The following FBH1 variants were observed in gnomAD, a reference collection of about 807,000 sequenced individuals.
The protein encoded by FBH1 is F-box DNA helicase 1, also known as DNA 3'-5' helicase 1.
In FBH1, 43 loss-of-function variants were observed where a neutral mutation model predicts 115.5. That is an observed-to-expected ratio of 0.37 (90% CI 0.29 to 0.48). The LOEUF (loss-of-function observed/expected upper bound fraction) is 0.48. FBH1 is among the 20% of genes least tolerant of loss of function. The pLI is 0.99. For synonymous variants in FBH1, 524 were observed against 507.8 expected (o/e 1.03, Z -0.43); for missense variants, 1,001 against 1,337.3 (o/e 0.75, Z 3.92).
Position 5,921,415 on chromosome 10 carries a change from A to G in FBH1, c.2201-33A>G, listed in dbSNP as rs762516874. On this transcript the variant is annotated intron_variant, in intron 14 of 20. Coordinates refer to ENST00000362091, the MANE Select transcript of FBH1 (RefSeq NM_178150.3). The surrounding 1 kb of genome is among the most constrained non-coding windows in gnomAD (Gnocchi z 6.4). ...TACAAAAGTTTTCCTCTTTATTTCA[A>G]TTTGCCATAGAGTTTGTGCTCTCTC... is the stretch of plus-strand genomic sequence containing the variant. 5.6e-6 allele frequency: 9 copies of G among 1,610,242 alleles called. No individual in the cohort carries two copies. Among genetic ancestry groups the G allele is most frequent in the African/African-American group, 4.0e-5 (3 of 74,424 alleles).
At position 5,921,423 on chromosome 10, in the gene FBH1, T is replaced by C; in HGVS notation, c.2201-25T>C. ...TTTTCCTCTTTATTTCAATTTGCCA[T>C]AGAGTTTGTGCTCTCTCCCTAAAGG... On this transcript the variant is annotated intron_variant, in intron 14 of 20. Coordinates refer to ENST00000362091, the MANE Select transcript of FBH1 (RefSeq NM_178150.3). This position sits in a 1 kb window ranked among gnomAD's most constrained non-coding sequence, Gnocchi z 6.4. 1 of 1,610,296 alleles carries C rather than the reference T, an allele frequency of 6.2e-7. No individual in the cohort carries two copies. The highest frequency in any genetic ancestry group is 8.5e-7 in the Non-Finnish European group (1 of 1,178,794).
At chr10:5,919,662 T>C (rs894524467) in intron 13 of FBH1, among the ~76,000 whole-genome samples, 2 of 152,188 alleles carry the variant, frequency 1.3e-5, no homozygotes, top group Admixed American at 6.5e-5. Context: ...AAGAAACTTA[T>C]TTCTGATTAG....
chr10:5,918,475 G>A lies in FBH1; in HGVS notation c.2097G>A (p.Thr699=), dbSNP rs761722840. The change falls in exon 13 of 21, where the codon ACG becomes ACA. Residue 699 remains threonine (T), a synonymous_variant. Coordinates refer to ENST00000362091, the MANE Select transcript of FBH1 (RefSeq NM_178150.3). The surrounding 1 kb of genome is among the most constrained non-coding windows in gnomAD (Gnocchi z 4.0). The part of the protein sequence containing the change: ...TVPHTHVFYL[T]QSFRFGVEIA... Reference sequence around the variant, plus strand: ...CCCACACCCACGTCTTCTATCTCACGCAGGTAAGTGCGCACTCTGCATGGG... The same window carrying A: ...CCCACACCCACGTCTTCTATCTCACACAGGTAAGTGCGCACTCTGCATGGG... 47 of 1,597,010 alleles carry A rather than the reference G, an allele frequency of 2.9e-5. No homozygotes were observed. In the East Asian group the frequency reaches 7.9e-4, roughly 27 times the overall value.
At position 5,910,889 on chromosome 10, in the gene FBH1, A is replaced by T. The variant is rs1280265091; in HGVS notation, c.1021-49A>T. On this transcript the variant is annotated intron_variant, in intron 5 of 20. Transcript: ENST00000362091. The surrounding 1 kb of genome is among the most constrained non-coding windows in gnomAD (Gnocchi z 4.8). ...ACTCCTTCCTGCTGTGATTCGTATT[A>T]ACCATGGCCTGTGGGCTGTCCCTCC... is the stretch of plus-strand genomic sequence containing the variant. The T allele has an allele frequency of 3.9e-6, 6 of 1,528,024 alleles. No homozygotes were observed. The Admixed American group carries it at 7.2e-5, about 18-fold the overall frequency. The allele number at this position is 1,528,024 out of a possible 1,614,324, so 94.7% of individuals were successfully genotyped here.
intron 19 of FBH1, chr10:5,934,364 GT>G (rs60109796): frequency 0.75 from 106,453 of 141,242 alleles, 40,280 homozygotes; most frequent in East Asian, 0.84. Context: ...TCAAAGACAG[GT>G]TTTTTTTTTT....
In FBH1 at chr10:5,903,066, T is replaced by G; in HGVS notation, c.48T>G (p.His16Gln). Reference protein sequence around the residue: ...RKHLTAIDCQHLARSHLAVTQ... With the variant: ...RKHLTAIDCQQLARSHLAVTQ... ...ATCTTACTGCCATTGACTGCCAGCATTTGGCTCGGAGTCACTTGGCTGTGA... is the reference window on the plus strand; with the variant it reads ...ATCTTACTGCCATTGACTGCCAGCAGTTGGCTCGGAGTCACTTGGCTGTGA... The change falls in exon 2 of 21, where the codon CAT (histidine) becomes CAG (glutamine). Residue 16 changes from histidine (H) to glutamine (Q), a missense_variant. His to Gln is a conservative substitution (Grantham distance 24, BLOSUM62 0). Around this residue, in one of 4 missense-constraint regions of FBH1, gnomAD observed 420 missense variants for 430.4 expected, o/e 0.98. Transcript: ENST00000362091. The G allele has an allele frequency of 6.2e-7, 1 of 1,613,652 alleles. No homozygotes were observed. Among genetic ancestry groups the G allele is most frequent in the Non-Finnish European group, 8.5e-7 (1 of 1,179,806 alleles).
Position 5,911,323 on chromosome 10 carries a change from T to C in FBH1, c.1211+195T>C, listed in dbSNP as rs1831576733. Among the ~76,000 whole-genome samples, 1 of 152,238 alleles carries C rather than the reference T, an allele frequency of 6.6e-6. No individual in the cohort carries two copies. Among genetic ancestry groups the C allele is most frequent in the Non-Finnish European group, 1.5e-5 (1 of 68,044 alleles). On this transcript the variant is annotated intron_variant, in intron 6 of 20. Coordinates refer to ENST00000362091, the MANE Select transcript of FBH1 (RefSeq NM_178150.3). The surrounding 1 kb of genome is among the most constrained non-coding windows in gnomAD (Gnocchi z 5.4). The stretch of plus-strand genomic sequence containing the variant: ...TGGAAAGGCTGGTAAGAGCGCCTTA[T>C]GAACGTGCAGTTCTGAGCGGCTGCG...
intron 3 of FBH1, among the ~76,000 whole-genome samples, chr10:5,907,690 T>C (rs1191776506): frequency 6.6e-6 from 1 of 152,124 alleles, no homozygotes; most frequent in Non-Finnish European, 1.5e-5. Context: ...TCCAGGATGG[T>C]CTCAAAGTCC....
chr10:5,894,159 C>G (rs1842884413), intron 1 of FBH1: 7 of 985,390 alleles, frequency 7.1e-6, no homozygotes, highest in Non-Finnish European at 7.2e-6. Context: ...TCAGTGAATA[C>G]CTGGGAAAGG....
At chr10:5,891,101 T>C in intron 1 of FBH1, 1 of 980,196 alleles carries the variant, frequency 1.0e-6, no homozygotes, top group East Asian at 1.1e-4. Context: ...TCAGTGACTT[T>C]CTTACAGAAT....
chr10:5,936,252 A>G lies in FBH1; in HGVS notation c.2830-204A>G, dbSNP rs1833335667. The G allele has an allele frequency of 2.4e-6, 1 of 421,104 alleles. No individual in the cohort carries two copies. Among genetic ancestry groups the G allele is most frequent in the African/African-American group, 2.0e-5 (1 of 51,058 alleles). The allele number at this position is 421,104 out of a possible 1,614,324, so 26.1% of individuals were successfully genotyped here. A position where few individuals can be genotyped will look rare whatever the true frequency, so the allele number is the denominator to read the frequency against. On this transcript the variant is annotated intron_variant, in intron 19 of 20. Transcript: ENST00000362091. This position sits in a 1 kb window ranked among gnomAD's most constrained non-coding sequence, Gnocchi z 5.6. ...TTAAATATATATATATTTAAAAAGC[A>G]ATTGGACTGTCAGTTGGACTGTCGA...
chr10:5,890,277 C>A lies in FBH1; in HGVS notation c.-69C>A, dbSNP rs988545497. On this transcript the variant is annotated 5_prime_UTR_variant, in exon 1 of 21. Coordinates refer to ENST00000362091, the MANE Select transcript of FBH1 (RefSeq NM_178150.3). ...AGAGGAGGAGCTCGCTGCCGGGGGACGCTGGGCTGAGCGGCCGGCGGCGCG... is the reference window on the plus strand; with the variant it reads ...AGAGGAGGAGCTCGCTGCCGGGGGAAGCTGGGCTGAGCGGCCGGCGGCGCG... 5.4e-6 allele frequency: 2 copies of A among 369,860 alleles called. No homozygotes were observed. Among genetic ancestry groups the A allele is most frequent in the Non-Finnish European group, 1.0e-5 (2 of 198,176 alleles). The allele number at this position is 369,860 out of a possible 1,614,324, so 22.9% of individuals were successfully genotyped here.
intron 19 of FBH1, chr10:5,929,836 A>T (rs760570507): frequency 6.6e-6 from 1 of 152,256 alleles, no homozygotes; most frequent in Non-Finnish European, 1.5e-5. Flanking sequence ...AGAATAAATC[A>T]TTATGTACAA....
At chr10:5,891,213 T>A in intron 1 of FBH1, 8 of 982,960 alleles carry the variant, frequency 8.1e-6, no homozygotes, top group Non-Finnish European at 9.7e-6. Context: ...ATGAAAAGAC[T>A]TCTGGAATGG....
rs1274424298 is a variant in FBH1 at position 5,921,921 on chromosome 10, T to TAC, written c.2322+357_2322+358dup. On this transcript the variant is annotated intron_variant, in intron 15 of 20. Transcript: ENST00000362091. This position sits in a 1 kb window ranked among gnomAD's most constrained non-coding sequence, Gnocchi z 6.4. Reference sequence around the variant, plus strand: ...ACAGCTGAGCTGACAACACGCAGAGTACACACCTAGGCTCTAGTTCTGACT... The same window carrying TAC: ...ACAGCTGAGCTGACAACACGCAGAGTACACACACCTAGGCTCTAGTTCTGACT... Among the ~76,000 whole-genome samples, 1 of 152,194 alleles carries TAC rather than the reference T, an allele frequency of 6.6e-6. No homozygotes were observed. Among genetic ancestry groups the TAC allele is most frequent in the Non-Finnish European group, 1.5e-5 (1 of 68,036 alleles).
In FBH1 at chr10:5,936,526, A is replaced by G; in HGVS notation, c.2900A>G (p.Gln967Arg). 6.2e-7 allele frequency: 1 copy of G among 1,614,218 alleles called. No individual in the cohort carries two copies. The highest frequency in any genetic ancestry group is 8.5e-7 in the Non-Finnish European group (1 of 1,180,026). The part of the protein sequence containing the change: ...KTGVVRCCVG[Q>R]CNNAIPVDTV... ...GGCGTGGTGCGCTGCTGCGTGGGACAGTGCAACAATGCCATCCCTGTTGAC... is the reference window on the plus strand; with the variant it reads ...GGCGTGGTGCGCTGCTGCGTGGGACGGTGCAACAATGCCATCCCTGTTGAC... Residue 967 changes from glutamine to arginine, a missense_variant, in exon 20 of 21, where the codon CAG becomes CGG. Physicochemically the swap from Gln to Arg is conservative, Grantham distance 43 (BLOSUM62 1). This residue lies in a region of FBH1 where 521 missense variants were observed against 811.0 expected (regional missense o/e 0.64). Transcript: ENST00000362091. The surrounding 1 kb of genome is among the most constrained non-coding windows in gnomAD (Gnocchi z 5.6).
chr10:5,901,320 C>G (rs960581506), intron 1 of FBH1, among the ~76,000 whole-genome samples: 2 of 152,014 alleles, frequency 1.3e-5, no homozygotes, highest in African/African-American at 4.8e-5. Flanking sequence ...CCATGCCCAG[C>G]TAATTTTTTC....
chr10:5,926,092 GTTATTATTATTC>G (rs1304513415), intron 18 of FBH1, among the ~76,000 whole-genome samples: 1 of 128,918 alleles, frequency 7.8e-6, no homozygotes, highest in Non-Finnish European at 1.7e-5. Context: ...TGTTGTTGTT[GTTATTATTATTC>G]TTATTCTTAT....
At chr10:5,920,063 C>G (rs977578135) in intron 13 of FBH1, among the ~76,000 whole-genome samples, 1 of 152,168 alleles carries the variant, frequency 6.6e-6, no homozygotes, top group Non-Finnish European at 1.5e-5. Flanking sequence ...ATCCAGGATC[C>G]CACATTACAT....
Sources: allele counts gnomAD v4.1 joint callset (sites outside exome capture counted in the v4.1 genomes callset), GRCh38; gene constraint gnomAD v4.1.1; regional missense constraint gnomAD v4.1.1; non-coding constraint Gnocchi (gnomAD v3.1); transcripts MANE v1.5; gene names NCBI Gene and HGNC (gene_info 2026-07-23, HGNC 2026-07-21).